PSMC1: variants seen among roughly 807,000 people sequenced by gnomAD.
The protein encoded by PSMC1 is proteasome 26S subunit, ATPase 1.
A neutral mutation model predicts 49.8 loss-of-function variants in PSMC1; 5 were observed. That is an observed-to-expected ratio of 0.10 (90% CI 0.05 to 0.21). The LOEUF (loss-of-function observed/expected upper bound fraction) is 0.21, where lower values mean the gene tolerates loss of function less well. PSMC1 is among the 10% of genes least tolerant of loss of function. The pLI is 1.00. For synonymous variants in PSMC1, 155 were observed against 192.1 expected (o/e 0.81, Z 1.60); for missense variants, 181 against 535.7 (o/e 0.34, Z 6.54).
intron 4 of PSMC1, 99 bp from the exon 5 acceptor site, chr14:90,263,563 C>G: frequency 6.8e-7 from 1 of 1,479,324 alleles, no homozygotes; most frequent in Non-Finnish European, 9.3e-7. Context: ...TATTAGCTGC[C>G]TTTTACAAGC....
intron 3 of PSMC1, among the ~76,000 whole-genome samples, chr14:90,261,835 A>G (rs939367642): frequency 6.7e-5 from 10 of 149,826 alleles, no homozygotes; most frequent in African/African-American, 2.2e-4. Flanking sequence ...TCAAGCTGCT[A>G]TAAAGACCCA....
rs1770525102 is a variant in PSMC1, at chr14:90,273,766, C to T, written c.*1359C>T. ...TGTGGGCCAGCTGAGGTCAGCATTT[C>T]CTTGCTGGCTGCCAGCTGAGGCCTT... On this transcript the variant is annotated 3_prime_UTR_variant, in exon 11 of 11. Transcript: ENST00000261303. 4 of 154,746 alleles carry T rather than the reference C, an allele frequency of 2.6e-5. No individual in the cohort carries two copies. The Admixed American group carries it at 2.6e-4, about 10-fold the overall frequency. 9.6% of individuals were successfully genotyped at this position (154,746 alleles called of 1,614,324 possible). A position where few individuals can be genotyped will look rare whatever the true frequency, so the allele number is the denominator to read the frequency against.
In PSMC1 at chr14:90,270,228, T is replaced by A. The variant is rs751612223; in HGVS notation, c.1064T>A (p.Leu355Gln). ...GRIDRKIEFP[L>Q]PDEKTKKRIF... is the part of the protein sequence containing the mutation. The stretch of plus-strand genomic sequence containing the variant: ...ATTGACAGGAAGATTGAGTTCCCCC[T>A]GCCTGATGAAAAGACGAAGAAGCGC... The change falls in exon 10 of 11, where the codon CTG becomes CAG. Residue 355 changes from leucine to glutamine, a missense_variant. Transcript: ENST00000261303. 2 of 1,613,778 alleles carry A rather than the reference T, an allele frequency of 1.2e-6. No homozygotes were observed. The highest frequency in any genetic ancestry group is 1.1e-5 in the South Asian group (1 of 91,058).
intron 8 of PSMC1, 28 bp from the exon 9 acceptor site, chr14:90,269,369 C>T (rs760287446): frequency 6.4e-7 from 1 of 1,568,342 alleles, no homozygotes; most frequent in Non-Finnish European, 8.6e-7. Flanking sequence ...GTTGAGTCTT[C>T]ATTCCTTCCC....
rs1251047979 is a variant in PSMC1 at position 90,272,287 on chromosome 14, A to G, written c.1203A>G (p.Glu401=). 1 of 1,603,976 alleles carries G rather than the reference A, an allele frequency of 6.2e-7. No homozygotes were observed. Among genetic ancestry groups the G allele is most frequent in the Admixed American group, 1.8e-5 (1 of 56,802 alleles). ...SGADIKAICT[E]AGLMALRERR... is the part of the protein sequence containing the mutation. ...CTTTCTTACAGGCAATCTGTACAGA[A>G]GCTGGTCTGATGGCCTTAAGAGAAC... is the stretch of plus-strand genomic sequence containing the variant. The change falls in exon 11 of 11, where the codon GAA becomes GAG. Residue 401 remains glutamate, a synonymous_variant. Transcript: ENST00000261303. The surrounding 1 kb of genome is among the most constrained non-coding windows in gnomAD (Gnocchi z 4.5).
chr14:90,274,578 A>C lies in PSMC1; in HGVS notation c.*2171A>C, dbSNP rs1891753162. The C allele has an allele frequency of 6.6e-6, 1 of 152,282 alleles. No homozygotes were observed. The highest frequency in any genetic ancestry group is 1.5e-5 in the Non-Finnish European group (1 of 68,158). The allele number at this position is 152,282 out of a possible 1,614,324, so 9.4% of individuals were successfully genotyped here. ...TCTCCACTAAAAGGAGTGAGGGCTG[A>C]TTCCGGGGCTAGGCAGGGAAAGGAC... On this transcript the variant is annotated 3_prime_UTR_variant, in exon 11 of 11. Transcript: ENST00000261303.
At chr14:90,261,987 A>C (rs907029231) in intron 3 of PSMC1, among the ~76,000 whole-genome samples, 2 of 152,018 alleles carry the variant, frequency 1.3e-5, no homozygotes, top group African/African-American at 4.8e-5. Flanking sequence ...GGATGAGTTC[A>C]TGTCCTTTGT....
intron 9 of PSMC1, chr14:90,269,837 T>A (rs193214239): frequency 2.5e-6 from 1 of 400,794 alleles, no homozygotes; most frequent in East Asian, 4.3e-5. Flanking sequence ...AAATAATTCA[T>A]GTGATGGTAG....
rs374046818 is a variant in PSMC1, at chr14:90,256,649, T to C, written c.3+49T>C. 5.1e-6 allele frequency: 8 copies of C among 1,574,038 alleles called. No homozygotes were observed. In the Admixed American group the frequency reaches 9.3e-5, roughly 18 times the overall value. ...CGCTGGTCGTCGCGGTGCGATGGGG[T>C]CTCAGCAGCCTGAGGCGAGAGAAAG... On this transcript the variant is annotated intron_variant, in intron 1 of 10. Transcript: ENST00000261303.
chr14:90,264,587 G>A (rs549560029), intron 6 of PSMC1, among the ~76,000 whole-genome samples: 4 of 152,124 alleles, frequency 2.6e-5, no homozygotes, highest in Non-Finnish European at 5.9e-5. Context: ...CCATATGCAG[G>A]GCATATGGTC....
chr14:90,265,522 C>G (rs28509298), intron 7 of PSMC1, among the ~76,000 whole-genome samples: 2 of 151,732 alleles, frequency 1.3e-5, no homozygotes, highest in African/African-American at 4.9e-5. Flanking sequence ...AACCCCGTCT[C>G]TACTAAAAAT....
At chr14:90,264,759 T>G (rs1405286396) in intron 6 of PSMC1, among the ~76,000 whole-genome samples, 1 of 152,190 alleles carries the variant, frequency 6.6e-6, no homozygotes, top group African/African-American at 2.4e-5. Flanking sequence ...ATCTGTAGTT[T>G]AATTGAAAAG....
At chr14:90,269,768 C>G in intron 9 of PSMC1, 1 of 450,490 alleles carries the variant, frequency 2.2e-6, no homozygotes. Context: ...TATGTCTTGT[C>G]TTTTCTTTTC....
chr14:90,256,673 A>C (rs184970109), intron 1 of PSMC1, 73 bp downstream of exon 1: 3 of 1,554,806 alleles, frequency 1.9e-6, no homozygotes, highest in East Asian at 2.4e-5. Context: ...GGCGAGAGAA[A>C]GAGGCGGCTG....
chr14:90,263,167 C>T, intron 3 of PSMC1, 151 bp from the exon 4 acceptor site: 1 of 718,564 alleles, frequency 1.4e-6, no homozygotes, highest in Non-Finnish European at 2.2e-6. Flanking sequence ...CTCCCCTTTC[C>T]ATTTTGGCAC....
intron 7 of PSMC1, chr14:90,267,838 GC>G (rs1215873769): frequency 1.1e-5 from 2 of 180,684 alleles, no homozygotes; most frequent in Non-Finnish European, 2.3e-5. Flanking sequence ...CTTTGAAGGG[GC>G]CCAAGACAGA....
chr14:90,270,298 A>T lies in PSMC1; in HGVS notation c.1134A>T (p.Val378=). 1 of 1,613,794 alleles carries T rather than the reference A, an allele frequency of 6.2e-7. No individual in the cohort carries two copies. Among genetic ancestry groups the T allele is most frequent in the South Asian group, 1.1e-5 (1 of 91,066 alleles). ...GCAGGATGACGCTGGCTGATGATGT[A>T]ACCCTGGACGACCTGATCATGGCTA... ...HTSRMTLADD[V]TLDDLIMAKD... The change falls in exon 10 of 11, where the codon GTA becomes GTT. Residue 378 remains valine (V), a synonymous_variant. Coordinates refer to ENST00000261303, the MANE Select transcript of PSMC1 (RefSeq NM_002802.3).
chr14:90,267,172 C>T (rs1172393564), intron 7 of PSMC1, among the ~76,000 whole-genome samples: 11 of 151,556 alleles, frequency 7.3e-5, no homozygotes, highest in Non-Finnish European at 1.5e-4. Flanking sequence ...CTCTGTCGCC[C>T]AGGCTGGAGT....
At chr14:90,270,109 G>T (rs191343301) in intron 9 of PSMC1, 89 bp from the exon 10 acceptor site, 2 of 1,375,244 alleles carry the variant, frequency 1.5e-6, no homozygotes, top group South Asian at 1.5e-5. Flanking sequence ...CTGAAACTTC[G>T]TATGTAAGGA....
Sources: allele counts gnomAD v4.1 joint callset (sites outside exome capture counted in the v4.1 genomes callset), GRCh38; gene constraint gnomAD v4.1.1; non-coding constraint Gnocchi (gnomAD v3.1); transcripts MANE v1.5; gene names NCBI Gene and HGNC (gene_info 2026-07-23, HGNC 2026-07-21).